Variants in KDM3B observed in about 807,000 individuals in gnomAD.
KDM3B encodes lysine-specific demethylase 3B.
In KDM3B, 10 loss-of-function variants were observed where a neutral mutation model predicts 170.0. The observed-to-expected ratio is 0.06, with a 90% CI of 0.04 to 0.10. The LOEUF (loss-of-function observed/expected upper bound fraction) is 0.10. Ranked by LOEUF, KDM3B falls within the 10% of genes least tolerant of loss-of-function variation. The pLI is 1.00. For synonymous variants in KDM3B, 831 were observed against 834.8 expected (o/e 1.00, Z 0.08); for missense variants, 1,394 against 2,195.2 (o/e 0.64, Z 7.29).
At chr5:138,434,263 C>T (rs1367129900) in intron 23 of KDM3B, among the ~76,000 whole-genome samples, 2 of 151,934 alleles carry the variant, frequency 1.3e-5, no homozygotes, top group East Asian at 3.9e-4. Flanking sequence ...TATTTAAAAA[C>T]AACAGGCTGG....
intron 1 of KDM3B, among the ~76,000 whole-genome samples, chr5:138,365,103 A>C (rs1761712119): frequency 6.6e-6 from 1 of 152,210 alleles, no homozygotes; most frequent in Non-Finnish European, 1.5e-5. Flanking sequence ...AACAGAGTTT[A>C]CATTTTGTTT....
intron 23 of KDM3B, among the ~76,000 whole-genome samples, chr5:138,435,273 G>A (rs907352041): frequency 7.9e-5 from 12 of 152,140 alleles, no homozygotes; most frequent in African/African-American, 2.4e-4. Context: ...CTTAGTTTCC[G>A]CAGTTTCTCC....
chr5:138,372,828 A>T lies in KDM3B; in HGVS notation c.347A>T (p.Gln116Leu), dbSNP rs776554818. ...CAGGGCATTCGAGTCTCCATTGCAC[A>T]ATGGCCAGCCCTGGTGAGTGGCTTT... ...LLQGIRVSIA[Q>L]WPALTFTPLV... is the part of the protein sequence containing the mutation. The change falls in exon 2 of 24, where the codon CAA (glutamine) becomes CTA (leucine). Residue 116 changes from glutamine to leucine, a missense_variant. Physicochemically the swap from Gln to Leu is moderately radical, Grantham distance 113. This residue lies in a region of KDM3B where 166 missense variants were observed against 216.4 expected (regional missense o/e 0.77). Transcript: ENST00000314358. The T allele has an allele frequency of 1.2e-6, 2 of 1,613,574 alleles. No homozygotes were observed. The highest frequency in any genetic ancestry group is 2.2e-5 in the South Asian group (2 of 90,958).
intron 10 of KDM3B, among the ~76,000 whole-genome samples, chr5:138,399,138 T>G (rs1229315724): frequency 2.0e-5 from 3 of 151,670 alleles, no homozygotes; most frequent in African/African-American, 7.3e-5. Context: ...TCTGCCCGCC[T>G]CAGCCTTCCA....
At chr5:138,397,019 C>G (rs1266811916) in intron 9 of KDM3B, among the ~76,000 whole-genome samples, 1 of 152,082 alleles carries the variant, frequency 6.6e-6, no homozygotes, top group Admixed American at 6.6e-5. Flanking sequence ...GACCCTGTCT[C>G]TACAAACAGT....
Position 138,403,713 on chromosome 5 carries a change from C to A in KDM3B, c.3199+3701C>A, listed in dbSNP as rs191197249. 2.0e-5 allele frequency among the ~76,000 whole-genome samples: 3 copies of A among 150,740 alleles called. No individual in the cohort carries two copies. In the East Asian group the frequency reaches 5.8e-4, roughly 29 times the overall value. Reference sequence around the variant, plus strand: ...AAAAAGAATAGAAAAGAACCTTAAGCCAGGTATGATGGCTCACACCTGCAA... The same window carrying A: ...AAAAAGAATAGAAAAGAACCTTAAGACAGGTATGATGGCTCACACCTGCAA... On this transcript the variant is annotated intron_variant, in intron 11 of 23. Transcript: ENST00000314358.
chr5:138,361,855 G>A (rs1235993903), intron 1 of KDM3B, among the ~76,000 whole-genome samples: 2 of 152,118 alleles, frequency 1.3e-5, no homozygotes, highest in African/African-American at 2.4e-5. Context: ...AATATTTATT[G>A]TAGTTTTTCT....
At chr5:138,373,868 T>C (rs1761933181) in intron 2 of KDM3B, among the ~76,000 whole-genome samples, 1 of 152,252 alleles carries the variant, frequency 6.6e-6, no homozygotes. Context: ...TGGTAACTTC[T>C]AAAAAATCCT....
intron 9 of KDM3B, among the ~76,000 whole-genome samples, chr5:138,397,386 T>C (rs1762575086): frequency 6.6e-6 from 1 of 152,042 alleles, no homozygotes; most frequent in Admixed American, 6.6e-5. Context: ...CATGTCCCTG[T>C]AGTCCCAGCT....
intron 15 of KDM3B, among the ~76,000 whole-genome samples, chr5:138,423,301 T>C (rs947247137): frequency 6.6e-6 from 1 of 152,270 alleles, no homozygotes; most frequent in Non-Finnish European, 1.5e-5. Context: ...TACCGTTTTA[T>C]GTATACTTGT....
intron 6 of KDM3B, among the ~76,000 whole-genome samples, chr5:138,383,976 G>A (rs1226980490): frequency 6.7e-6 from 1 of 150,266 alleles, no homozygotes; most frequent in African/African-American, 2.5e-5. Flanking sequence ...AAAAATCAAG[G>A]CCAGGCGCGG....
chr5:138,413,470 T>C (rs965005662), intron 11 of KDM3B, among the ~76,000 whole-genome samples: 10 of 151,924 alleles, frequency 6.6e-5, no homozygotes, highest in Non-Finnish European at 4.4e-5. Context: ...GGAATGCAGA[T>C]TGGTACCATC....
chr5:138,365,944 G>A (rs1029999122), intron 1 of KDM3B, among the ~76,000 whole-genome samples: 3 of 152,238 alleles, frequency 2.0e-5, no homozygotes, highest in African/African-American at 7.2e-5. Flanking sequence ...ATTGCAGTGA[G>A]CCTAGATCGC....
At chr5:138,405,074 C>T (rs572297894) in intron 11 of KDM3B, among the ~76,000 whole-genome samples, 5 of 143,632 alleles carry the variant, frequency 3.5e-5, no homozygotes, top group Admixed American at 1.4e-4. Context: ...GACAGAGTGT[C>T]GTACTGTCGA....
chr5:138,432,694 G>C (rs758140183), intron 23 of KDM3B, among the ~76,000 whole-genome samples: 6 of 152,150 alleles, frequency 3.9e-5, no homozygotes, highest in Non-Finnish European at 8.8e-5. Context: ...TAAGGAAGCA[G>C]AATTCTCTAG....
chr5:138,383,591 C>G (rs1047561980), intron 6 of KDM3B, among the ~76,000 whole-genome samples: 1 of 152,158 alleles, frequency 6.6e-6, no homozygotes, highest in African/African-American at 2.4e-5. Context: ...CACCTCATCT[C>G]CTTTAAGTAT....
Position 138,375,625 on chromosome 5 carries a change from G to T in KDM3B, c.474+419G>T, listed in dbSNP as rs182428954. Among the ~76,000 whole-genome samples the T allele has an allele frequency of 1.7e-3, 253 of 152,042 alleles. 2 individuals carry two copies. The highest frequency in any genetic ancestry group is 5.7e-3 in the African/African-American group (238 of 41,472). ...GATCTCCTGACCTCGTGATCCGCCC[G>T]CCTCGGCCTCCCAAAGTGCTGGGAT... On this transcript the variant is annotated intron_variant, in intron 3 of 23. Coordinates refer to ENST00000314358, the MANE Select transcript of KDM3B (RefSeq NM_016604.4).
intron 6 of KDM3B, among the ~76,000 whole-genome samples, chr5:138,382,264 G>A (rs1001854460): frequency 6.6e-6 from 1 of 151,910 alleles, no homozygotes; most frequent in South Asian, 2.1e-4. Flanking sequence ...CCTGACCAAC[G>A]TGGTGAAACG....
At chr5:138,433,013 G>A (rs1358299569) in intron 23 of KDM3B, among the ~76,000 whole-genome samples, 1 of 152,046 alleles carries the variant, frequency 6.6e-6, no homozygotes, top group Non-Finnish European at 1.5e-5. Flanking sequence ...CAAAGTGCTG[G>A]GATTACAGGC....
Sources: gnomAD v4.1 joint callset for allele counts (sites outside exome capture counted in the v4.1 genomes callset) on GRCh38, gnomAD v4.1.1 for gene constraint, gnomAD v4.1.1 regional missense constraint, MANE v1.5 for transcripts, NCBI Gene and HGNC (gene_info 2026-07-23, HGNC 2026-07-21) for gene names.